MCM10: variants seen among roughly 807,000 people sequenced by gnomAD.
The protein encoded by MCM10 is minichromosome maintenance 10 replication initiation factor, also known as protein MCM10 homolog.
Under a neutral mutation model 109.9 loss-of-function variants are expected in MCM10, and 91 were observed. The observed-to-expected ratio is 0.83, with a 90% confidence interval of 0.70 to 0.99. The LOEUF is 0.99. MCM10 is among the 50% of genes least tolerant of loss of function. The pLI, the probability that MCM10 is intolerant of heterozygous loss-of-function variation, is 0.00. For synonymous variants in MCM10, 380 were observed against 387.2 expected, an observed-to-expected ratio of 0.98 and a Z score of 0.22; for missense variants, 1,077 against 1,061.2, an observed-to-expected ratio of 1.01 and a Z score of -0.21.
At position 13,209,341 on chromosome 10, in the gene MCM10, C is replaced by A. The variant is rs1460868281; in HGVS notation, c.*31C>A. The A allele has an allele frequency of 6.5e-7, 1 of 1,538,988 alleles. No homozygotes were observed. Among genetic ancestry groups the A allele is most frequent in the East Asian group, 2.2e-5 (1 of 44,484 alleles). On this transcript the variant is annotated 3_prime_UTR_variant, in exon 20 of 20. Coordinates refer to ENST00000378714, the MANE Select transcript of MCM10 (RefSeq NM_018518.5). ...ACTTCAGACATTTTCCCACAGACTT[C>A]CTGGCCTCCTGTGACTCTGGAAAGC...
rs535927531 is a variant in MCM10, at chr10:13,166,293, T to C, written c.7+2084T>C. ...GAAAGCAGAGAAGATACGTTCAGAGTTGGGAGTGAAGGATGAGGAAGTCTG... is the reference window on the plus strand; with the variant it reads ...GAAAGCAGAGAAGATACGTTCAGAGCTGGGAGTGAAGGATGAGGAAGTCTG... On this transcript the variant is annotated intron_variant, in intron 2 of 19. Transcript: ENST00000378714. 4.6e-5 allele frequency among the ~76,000 whole-genome samples: 7 copies of C among 152,000 alleles called. No homozygotes were observed. In the South Asian group the frequency reaches 1.5e-3, roughly 32 times the overall value.
chr10:13,191,400 G>A lies in MCM10; in HGVS notation c.1516+1G>A. The A allele has an allele frequency of 6.2e-7, 1 of 1,612,690 alleles. No homozygotes were observed. The highest frequency in any genetic ancestry group is 8.5e-7 in the Non-Finnish European group (1 of 1,178,816). The stretch of plus-strand genomic sequence containing the variant: ...ATCCAGGAAACACGGCAAAAACTCG[G>A]TAACTTTGTTTTTCCATAAGAAATT... On this transcript the variant is annotated splice_donor_variant, in intron 11 of 19. Transcript: ENST00000378714. LOFTEE classifies it high-confidence loss of function.
In MCM10 at chr10:13,180,570, T is replaced by C; in HGVS notation, c.893T>C (p.Val298Ala). Residue 298 changes from valine (V) to alanine (A), a missense_variant, in exon 7 of 20, where the codon GTT (valine) becomes GCT (alanine). Physicochemically the swap from Val to Ala is moderately conservative, Grantham distance 64. Coordinates refer to ENST00000378714, the MANE Select transcript of MCM10 (RefSeq NM_018518.5). ...LEEIDWVTFG[V>A]ILKKVTPQSV... Reference sequence around the variant, plus strand: ...GAAATAGATTGGGTGACATTTGGGGTTATATTGAAGAAGGTTACGCCACAG... The same window carrying C: ...GAAATAGATTGGGTGACATTTGGGGCTATATTGAAGAAGGTTACGCCACAG... 6.2e-7 allele frequency: 1 copy of C among 1,613,870 alleles called. No homozygotes were observed. Among genetic ancestry groups the C allele is most frequent in the African/African-American group, 1.3e-5 (1 of 74,934 alleles).
At position 13,197,780 on chromosome 10, in the gene MCM10, C is replaced by T. The variant is rs1158514932; in HGVS notation, c.2119+13C>T. On this transcript the variant is annotated intron_variant, in intron 15 of 19. Transcript: ENST00000378714. ...TTTTCTTCTCAAGGTACTGCAGTTTCACAGTTAACAGTGGGAAAGAGAAAC... is the reference window on the plus strand; with the variant it reads ...TTTTCTTCTCAAGGTACTGCAGTTTTACAGTTAACAGTGGGAAAGAGAAAC... The T allele has an allele frequency of 6.2e-7, 1 of 1,604,288 alleles. No homozygotes were observed. Among genetic ancestry groups the T allele is most frequent in the Non-Finnish European group, 8.5e-7 (1 of 1,177,574 alleles).
chr10:13,172,582 T>C lies in MCM10; in HGVS notation c.455-46T>C. 6.2e-7 allele frequency: 1 copy of C among 1,611,598 alleles called. No homozygotes were observed. The highest frequency in any genetic ancestry group is 1.1e-5 in the South Asian group (1 of 90,704). ...CTGTCCAAACAGCCCTTTGAACCTC[T>C]TTCTGAATGGGTTTTTACTCACTTA... On this transcript the variant is annotated intron_variant, in intron 4 of 19. Transcript: ENST00000378714. The surrounding 1 kb of genome is among the most constrained non-coding windows in gnomAD (Gnocchi z 5.2).
intron 9 of MCM10, among the ~76,000 whole-genome samples, chr10:13,186,743 G>C (rs1446858311): frequency 2.6e-5 from 4 of 152,164 alleles, no homozygotes; most frequent in Non-Finnish European, 5.9e-5. Flanking sequence ...TGTAATCTCA[G>C]CACTTCGGGA....
intron 15 of MCM10, 50 bp from the exon 16 acceptor site, chr10:13,198,639 G>A (rs1160607843): frequency 8.0e-7 from 1 of 1,255,268 alleles, no homozygotes; most frequent in Non-Finnish European, 1.2e-6. Flanking sequence ...AGGCGCACTG[G>A]CTTTCTGAAA....
In MCM10 at chr10:13,198,670, T is replaced by C. The variant is rs781572475; in HGVS notation, c.2120-19T>C. 3 of 1,546,242 alleles carry C rather than the reference T, an allele frequency of 1.9e-6. No homozygotes were observed. In the Admixed American group the frequency reaches 5.0e-5, roughly 26 times the overall value. On this transcript the variant is annotated intron_variant, in intron 15 of 19. Coordinates refer to ENST00000378714, the MANE Select transcript of MCM10 (RefSeq NM_018518.5). The stretch of plus-strand genomic sequence containing the variant: ...TGAAATTTCTTGGTCGCTGCTAATG[T>C]TTGTTCCTTGTGCCCTAGCTGAGGA...
At chr10:13,192,155 A>G in intron 11 of MCM10, 100 bp from the exon 12 acceptor site, 1 of 708,552 alleles carries the variant, frequency 1.4e-6, no homozygotes, top group South Asian at 1.9e-5. Context: ...TCGTTTACGT[A>G]TGACTAAAAT....
intron 18 of MCM10, among the ~76,000 whole-genome samples, chr10:13,206,337 C>T (rs761880089): frequency 6.6e-6 from 1 of 152,228 alleles, no homozygotes; most frequent in Non-Finnish European, 1.5e-5. Context: ...TGGCCTCAGC[C>T]CCTCAGTGCT....
chr10:13,188,986 A>C lies in MCM10; in HGVS notation c.1321A>C (p.Lys441Gln). The change falls in exon 10 of 20, where the codon AAG (lysine) becomes CAG (glutamine). Residue 441 changes from lysine to glutamine, a missense_variant. Coordinates refer to ENST00000378714, the MANE Select transcript of MCM10 (RefSeq NM_018518.5). ...CTTCTCTGGAGGACGAATTCCAAAG[A>C]AGTTTGCCCGCAGAGGCACCAGCCT... is the stretch of plus-strand genomic sequence containing the variant. ...STFSGGRIPK[K>Q]FARRGTSLKE... 2 of 1,614,212 alleles carry C rather than the reference A, an allele frequency of 1.2e-6. No individual in the cohort carries two copies. Among genetic ancestry groups the C allele is most frequent in the South Asian group, 2.2e-5 (2 of 91,086 alleles).
At chr10:13,171,970 T>C (rs1240596609) in intron 3 of MCM10, among the ~76,000 whole-genome samples, 1 of 151,916 alleles carries the variant, frequency 6.6e-6, no homozygotes, top group Non-Finnish European at 1.5e-5. Flanking sequence ...ATACAGGATC[T>C]CCCTATGTTG....
intron 18 of MCM10, among the ~76,000 whole-genome samples, chr10:13,205,183 C>T (rs1210058295): frequency 6.6e-6 from 1 of 151,822 alleles, no homozygotes; most frequent in African/African-American, 2.4e-5. Flanking sequence ...AGTAATTTCT[C>T]CTCCCTCGCC....
Position 13,171,231 on chromosome 10 carries a change from C to T in MCM10, c.317C>T (p.Pro106Leu). 3 of 1,612,144 alleles carry T rather than the reference C, an allele frequency of 1.9e-6. No individual in the cohort carries two copies. The highest frequency in any genetic ancestry group is 2.5e-6 in the Non-Finnish European group (3 of 1,179,192). ...TENRVLPAPA[P>L]RREKTNEELQ... ...AATAGGGTCCTCCCTGCTCCTGCCC[C>T]CAGGCGAGAGAAAACGAATGAAGAG... The change falls in exon 3 of 20, where the codon CCC becomes CTC. Residue 106 changes from proline (P) to leucine (L), a missense_variant. By Grantham distance (98) the Pro-to-Leu change is moderately conservative (BLOSUM62 -3). Coordinates refer to ENST00000378714, the MANE Select transcript of MCM10 (RefSeq NM_018518.5).
In MCM10 at chr10:13,172,464, T is replaced by A. The variant is rs773405292; in HGVS notation, c.438T>A (p.Arg146=). The change falls in exon 4 of 20, where the codon CGT becomes CGA. Residue 146 remains arginine (R), a synonymous_variant. Transcript: ENST00000378714. This position sits in a 1 kb window ranked among gnomAD's most constrained non-coding sequence, Gnocchi z 5.2. ...TTIKQTASPA[R]LQKSPEKSPR... ...TTAAACAGACAGCAAGCCCAGCCCGTCTGCAAAAATCCCCTGGTAAGAAGA... is the reference window on the plus strand; with the variant it reads ...TTAAACAGACAGCAAGCCCAGCCCGACTGCAAAAATCCCCTGGTAAGAAGA... The A allele has an allele frequency of 1.2e-6, 2 of 1,614,010 alleles. No homozygotes were observed. Among genetic ancestry groups the A allele is most frequent in the Non-Finnish European group, 1.7e-6 (2 of 1,179,948 alleles).
In MCM10 at chr10:13,193,303, T is replaced by TAA. The variant is rs570095418; in HGVS notation, c.1745+748_1745+749dup. 3.8e-3 allele frequency among the ~76,000 whole-genome samples: 545 copies of TAA among 144,676 alleles called. 4 individuals carry two copies. The highest frequency in any genetic ancestry group is 0.012 in the African/African-American group (467 of 39,652). The allele number at this position is 144,676 out of a possible 152,430, so 94.9% of individuals were successfully genotyped here. ...GTGTTACTTGGCTTCAGCCAATAAT[T>TAA]AAAAAAAAAAAAAATCAAGTGGAAA... On this transcript the variant is annotated intron_variant, in intron 13 of 19. Transcript: ENST00000378714.
chr10:13,169,917 G>C (rs1834048514), intron 2 of MCM10, among the ~76,000 whole-genome samples: 1 of 152,186 alleles, frequency 6.6e-6, no homozygotes, highest in South Asian at 2.1e-4. Flanking sequence ...TCTTGGCCAG[G>C]CTGGTCTTGA....
At chr10:13,170,247 A>G (rs1834052182) in intron 2 of MCM10, among the ~76,000 whole-genome samples, 1 of 152,224 alleles carries the variant, frequency 6.6e-6, no homozygotes, top group Admixed American at 6.5e-5. Flanking sequence ...AAGATTTGGC[A>G]TGACAGACTT....
At position 13,171,884 on chromosome 10, in the gene MCM10, C is replaced by T. The variant is rs796675477; in HGVS notation, c.350-492C>T. Among the ~76,000 whole-genome samples, 3 of 152,124 alleles carry T rather than the reference C, an allele frequency of 2.0e-5. No individual in the cohort carries two copies. The South Asian group carries it at 6.2e-4, about 32-fold the overall frequency. ...GGCTCAAGTGATCTTCCTGCCACAGCCTCCCTAGTAGCTGGAACCATAGGC... is the reference window on the plus strand; with the variant it reads ...GGCTCAAGTGATCTTCCTGCCACAGTCTCCCTAGTAGCTGGAACCATAGGC... On this transcript the variant is annotated intron_variant, in intron 3 of 19. Coordinates refer to ENST00000378714, the MANE Select transcript of MCM10 (RefSeq NM_018518.5).
Sources: gnomAD v4.1 joint callset for allele counts (sites outside exome capture counted in the v4.1 genomes callset) on GRCh38, gnomAD v4.1.1 for gene constraint, Gnocchi (gnomAD v3.1) non-coding constraint, MANE v1.5 for transcripts, NCBI Gene and HGNC (gene_info 2026-07-23, HGNC 2026-07-21) for gene names.